HDDC2: variants seen among roughly 807,000 people sequenced by gnomAD.
The protein encoded by HDDC2 is 5'-deoxynucleotidase HDDC2.
In HDDC2, 25 loss-of-function variants were observed where a neutral mutation model predicts 25.5. The observed-to-expected ratio is 0.98, with a 90% CI of 0.72 to 1.37. HDDC2 has a LOEUF of 1.37. Among genes scored for constraint, HDDC2 ranks in the 40% most tolerant of loss-of-function variants. HDDC2 has a pLI of 0.00. For missense variants in HDDC2, 264 were observed against 253.1 expected, an observed-to-expected ratio of 1.04 and a Z score of -0.29; for synonymous variants, 106 against 89.7, an observed-to-expected ratio of 1.18 and a Z score of -1.03.
chr6:125,301,521 G>T (rs546700475), intron 1 of HDDC2, among the ~76,000 whole-genome samples: 120 of 148,846 alleles, frequency 8.1e-4, no homozygotes, highest in Middle Eastern at 6.9e-3. Context: ...TTCTGGGGTC[G>T]TGAGCCCCGG....
intron 4 of HDDC2, among the ~76,000 whole-genome samples, chr6:125,288,305 C>T (rs1293645292): frequency 6.6e-6 from 1 of 152,010 alleles, no homozygotes; most frequent in Non-Finnish European, 1.5e-5. Flanking sequence ...GGAGGTGACC[C>T]GAGGCCCACT....
chr6:125,301,793 GCCGCCCCACAGTC>G, intron 1 of HDDC2, 43 bp downstream of exon 1: 2 of 1,338,216 alleles, frequency 1.5e-6, no homozygotes, highest in South Asian at 2.6e-5. Flanking sequence ...CGGAAGCTCC[GCCGCCCCACAGTC>G]CCGCCCGCTC....
intron 4 of HDDC2, among the ~76,000 whole-genome samples, chr6:125,286,682 T>G (rs2115107194): frequency 6.6e-6 from 1 of 152,296 alleles, no homozygotes; most frequent in East Asian, 1.9e-4. Flanking sequence ...AATACCATTT[T>G]CTATTTTAAA....
intron 3 of HDDC2, among the ~76,000 whole-genome samples, chr6:125,296,989 C>CT (rs1368912977): frequency 6.6e-6 from 1 of 152,234 alleles, no homozygotes; most frequent in Non-Finnish European, 1.5e-5. Context: ...AGAGGGAAGT[C>CT]TGTCTTTTTC....
chr6:125,292,075 A>T (rs1798639692), intron 4 of HDDC2, among the ~76,000 whole-genome samples: 1 of 152,124 alleles, frequency 6.6e-6, no homozygotes, highest in Non-Finnish European at 1.5e-5. Context: ...AGACAGGAGG[A>T]TGAATATGGA....
intron 4 of HDDC2, among the ~76,000 whole-genome samples, chr6:125,289,511 AAAACAAAAAAAAC>A: frequency 7.3e-6 from 1 of 136,212 alleles, no homozygotes; most frequent in Non-Finnish European, 1.5e-5. Context: ...AAAACAAAAC[AAAACAAAAAAAAC>A]AAAAAAAAAA....
chr6:125,288,276 G>A (rs1798573447), intron 4 of HDDC2, among the ~76,000 whole-genome samples: 1 of 152,118 alleles, frequency 6.6e-6, no homozygotes. Flanking sequence ...ACAGACAGGG[G>A]AGGGGGAGAA....
In HDDC2 at chr6:125,300,634, T is replaced by A; in HGVS notation, c.110A>T (p.Tyr37Phe). Reference sequence around the variant, plus strand: ...GCTCTCCGGCCTCTGGACATTTCTGTATACCCAGCCAGTTCGTGGGACTCT... The same window carrying A: ...GCTCTCCGGCCTCTGGACATTTCTGAATACCCAGCCAGTTCGTGGGACTCT... ...LKRVPRTGWVYRNVQRPESVS... is the reference protein window; with the variant it reads ...LKRVPRTGWVFRNVQRPESVS... Residue 37 changes from tyrosine to phenylalanine, a missense_variant, in exon 2 of 6, where the codon TAC becomes TTC. Physicochemically the swap from Tyr to Phe is conservative, Grantham distance 22 (BLOSUM62 3). Transcript: ENST00000398153. 1 of 1,614,048 alleles carries A rather than the reference T, an allele frequency of 6.2e-7. No homozygotes were observed. Among genetic ancestry groups the A allele is most frequent in the Non-Finnish European group, 8.5e-7 (1 of 1,180,004 alleles).
At chr6:125,298,215 A>AT (rs1274320295) in intron 3 of HDDC2, among the ~76,000 whole-genome samples, 2 of 152,204 alleles carry the variant, frequency 1.3e-5, no homozygotes, top group African/African-American at 4.8e-5. Context: ...AAATCTACAC[A>AT]TGTACCCTGT....
At chr6:125,286,318 T>C (rs1294263642) in intron 4 of HDDC2, among the ~76,000 whole-genome samples, 1 of 152,216 alleles carries the variant, frequency 6.6e-6, no homozygotes, top group Non-Finnish European at 1.5e-5. Flanking sequence ...AATGTAGATA[T>C]AGTCCAACTA....
intron 4 of HDDC2, among the ~76,000 whole-genome samples, chr6:125,280,148 C>T (rs1478609853): frequency 6.6e-6 from 1 of 152,090 alleles, no homozygotes; most frequent in Non-Finnish European, 1.5e-5. Context: ...TTGGGGAACT[C>T]CCTCCCCTAG....
chr6:125,299,448 T>C (rs958831325), intron 2 of HDDC2, among the ~76,000 whole-genome samples: 4 of 152,166 alleles, frequency 2.6e-5, no homozygotes, highest in Non-Finnish European at 5.9e-5. Context: ...ATTCAATAAG[T>C]GGTTATGATT....
intron 4 of HDDC2, among the ~76,000 whole-genome samples, chr6:125,284,193 C>T (rs892418429): frequency 1.3e-5 from 2 of 152,130 alleles, no homozygotes; most frequent in African/African-American, 4.8e-5. Context: ...AACGTAAGAC[C>T]TAAAACCATA....
chr6:125,286,470 A>G (rs1798537172), intron 4 of HDDC2, among the ~76,000 whole-genome samples: 2 of 152,228 alleles, frequency 1.3e-5, no homozygotes, highest in South Asian at 4.1e-4. Flanking sequence ...GCAAATGAGT[A>G]TTTATAGAAC....
chr6:125,298,214 C>CAGGGTACAA (rs1562449933), intron 3 of HDDC2, among the ~76,000 whole-genome samples: 1 of 152,170 alleles, frequency 6.6e-6, no homozygotes, highest in Non-Finnish European at 1.5e-5. Flanking sequence ...CAAATCTACA[C>CAGGGTACAA]ATGTACCCTG....
chr6:125,289,521 A>AC (rs1562443150), intron 4 of HDDC2, among the ~76,000 whole-genome samples: 2 of 100,144 alleles, frequency 2.0e-5, no homozygotes, highest in African/African-American at 1.1e-4. Flanking sequence ...AAAACAAAAA[A>AC]AACAAAAAAA....
Position 125,276,397 on chromosome 6 carries a change from AG to A in HDDC2, c.518-155del, listed in dbSNP as rs201224371. 1.0e-4 allele frequency: 64 copies of A among 616,692 alleles called. No individual in the cohort carries two copies. In the East Asian group the frequency reaches 1.7e-3, roughly 17 times the overall value. The allele number at this position is 616,692 out of a possible 1,614,324, so 38.2% of individuals were successfully genotyped here. On this transcript the variant is annotated intron_variant, in intron 5 of 5. Coordinates refer to ENST00000398153, the MANE Select transcript of HDDC2 (RefSeq NM_016063.3). The stretch of plus-strand genomic sequence containing the variant: ...CAGAAAGAGATTCCAGGTCCTGGGA[AG>A]GGGCTGAAGGGGACCACTTGGCATT...
intron 4 of HDDC2, chr6:125,278,441 AAATAC>A (rs1347798254): frequency 3.3e-5 from 5 of 152,216 alleles, no homozygotes; most frequent in Non-Finnish European, 7.3e-5. Context: ...GACCATTAGG[AAATAC>A]AATACATCTT....
intron 4 of HDDC2, among the ~76,000 whole-genome samples, chr6:125,285,634 A>G (rs1798523260): frequency 6.6e-6 from 1 of 151,788 alleles, no homozygotes; most frequent in Non-Finnish European, 1.5e-5. Context: ...CCTCAAGAAA[A>G]CCTTAAAATT....
Sources: allele counts gnomAD v4.1 joint callset (sites outside exome capture counted in the v4.1 genomes callset), GRCh38; gene constraint gnomAD v4.1.1; transcripts MANE v1.5; gene names NCBI Gene and HGNC (gene_info 2026-07-23, HGNC 2026-07-21).